NCAPD3: variants seen among roughly 807,000 people sequenced by gnomAD.
NCAPD3 encodes non-SMC condensin II complex subunit D3, also known as condensin-2 complex subunit D3.
A neutral mutation model predicts 182.9 loss-of-function variants in NCAPD3; 105 were observed. That is an observed-to-expected ratio of 0.57 (90% CI 0.49 to 0.68). The LOEUF (loss-of-function observed/expected upper bound fraction) is 0.68, where lower values mean the gene tolerates loss of function less well. Ranked by LOEUF, NCAPD3 falls within the 30% of genes least tolerant of loss-of-function variation. The pLI is 0.00. For synonymous variants in NCAPD3, 815 were observed against 679.9 expected (o/e 1.20, Z -3.09); for missense variants, 1,944 against 1,837.0 (o/e 1.06, Z -1.07).
In NCAPD3 at chr11:134,156,882, A is replaced by G. The variant is rs1469912823; in HGVS notation, c.4252+136T>C. 4.1e-6 allele frequency: 3 copies of G among 725,984 alleles called. No individual in the cohort carries two copies. In the East Asian group the frequency reaches 7.8e-5, roughly 19 times the overall value. The allele number at this position is 725,984 out of a possible 1,614,324, so 45.0% of individuals were successfully genotyped here. Reference sequence around the variant, plus strand: ...GACCGTGGTCACTGTGAAATACTCCACCTCAGCAATGCACTCATGGTTCTG... The same window carrying G: ...GACCGTGGTCACTGTGAAATACTCCGCCTCAGCAATGCACTCATGGTTCTG... On this transcript the variant is annotated intron_variant, in intron 32 of 34. Transcript: ENST00000534548.
At chr11:134,217,544 A>G (rs1018889461) in intron 2 of NCAPD3, among the ~76,000 whole-genome samples, 1 of 152,210 alleles carries the variant, frequency 6.6e-6, no homozygotes, top group Non-Finnish European at 1.5e-5. Context: ...ATTGCAGGCA[A>G]TGGGAGCAGG....
chr11:134,153,219 A>C lies in NCAPD3; in HGVS notation c.4328-19T>G, dbSNP rs117812491. Reference sequence around the variant, plus strand: ...ATTTTCTCTAAAAGGGAGTCAAACAAACACATTCAGCTTTCCCAGAACCTC... The same window carrying C: ...ATTTTCTCTAAAAGGGAGTCAAACACACACATTCAGCTTTCCCAGAACCTC... On this transcript the variant is annotated intron_variant, in intron 33 of 34. Transcript: ENST00000534548. 21,510 of 1,613,912 alleles carry C rather than the reference A, an allele frequency of 0.013. 194 individuals are homozygous for C. Among genetic ancestry groups the C allele is most frequent in the Non-Finnish European group, 0.016 (19,429 of 1,179,776 alleles).
At position 134,152,815 on chromosome 11, in the gene NCAPD3, A is replaced by C. The variant is rs1943291846; in HGVS notation, c.*129T>G. The C allele has an allele frequency of 1.4e-6, 1 of 694,514 alleles. No individual in the cohort carries two copies. The highest frequency in any genetic ancestry group is 2.5e-6 in the Non-Finnish European group (1 of 406,334). The allele number at this position is 694,514 out of a possible 1,614,324, so 43.0% of individuals were successfully genotyped here. A position where few individuals can be genotyped will look rare whatever the true frequency, so the allele number is the denominator to read the frequency against. On this transcript the variant is annotated 3_prime_UTR_variant, in exon 35 of 35. Transcript: ENST00000534548. ...GGTGAGTGCCAGGCCCCTGAGGAGG[A>C]GCTCTCGTGTTCCACAGCAAAGCGC...
chr11:134,174,378 G>C (rs1944104509), intron 24 of NCAPD3, among the ~76,000 whole-genome samples: 1 of 74,408 alleles, frequency 1.3e-5, no homozygotes. Flanking sequence ...ATGAGACCCT[G>C]TCTCAAAAAA....
intron 3 of NCAPD3, 140 bp from the exon 4 acceptor site, chr11:134,210,594 T>C (rs1937797056): frequency 2.7e-6 from 2 of 736,684 alleles, no homozygotes; most frequent in Admixed American, 2.8e-5. Context: ...AAGAGTACCA[T>C]TTGCAACGTC....
chr11:134,197,331 C>T (rs185490954), intron 13 of NCAPD3, among the ~76,000 whole-genome samples: 1 of 136,554 alleles, frequency 7.3e-6, no homozygotes, highest in Non-Finnish European at 1.5e-5. Flanking sequence ...GGATGGAGTG[C>T]AGTCGCATGA....
At chr11:134,166,969 G>A (rs1389019699) in intron 27 of NCAPD3, among the ~76,000 whole-genome samples, 3 of 129,168 alleles carry the variant, frequency 2.3e-5, no homozygotes, top group African/African-American at 9.6e-5. Flanking sequence ...TGAGCTTAGG[G>A]GAGCTGCACA....
intron 22 of NCAPD3, 101 bp downstream of exon 22, chr11:134,178,533 C>G: frequency 1.1e-6 from 1 of 889,354 alleles, no homozygotes; most frequent in East Asian, 2.5e-5. Flanking sequence ...CAGACACAGA[C>G]AGGCTCCGCA....
intron 15 of NCAPD3, 72 bp from the exon 16 acceptor site, chr11:134,192,981 AT>A: frequency 1.1e-6 from 1 of 877,506 alleles, no homozygotes; most frequent in Admixed American, 2.1e-5. Flanking sequence ...ACATTTTGAG[AT>A]GTTAAAAATA....
intron 24 of NCAPD3, among the ~76,000 whole-genome samples, chr11:134,175,454 G>A (rs1401539855): frequency 2.0e-5 from 3 of 152,192 alleles, no homozygotes; most frequent in Non-Finnish European, 4.4e-5. Flanking sequence ...GGTTTGTTAT[G>A]TGAAATGTTC....
Position 134,167,982 on chromosome 11 carries a change from A to T in NCAPD3, c.3573+14T>A. The T allele has an allele frequency of 6.2e-7, 1 of 1,612,326 alleles. No homozygotes were observed. The highest frequency in any genetic ancestry group is 8.5e-7 in the Non-Finnish European group (1 of 1,178,822). On this transcript the variant is annotated intron_variant, in intron 27 of 34. Coordinates refer to ENST00000534548, the MANE Select transcript of NCAPD3 (RefSeq NM_015261.3). ...ACTTGTGAGAAGATGATCTTAGGGGAGCAACACACTCACTTGTGAGATGAG... is the reference window on the plus strand; with the variant it reads ...ACTTGTGAGAAGATGATCTTAGGGGTGCAACACACTCACTTGTGAGATGAG...
At chr11:134,155,510 C>T (rs1943395190) in intron 32 of NCAPD3, among the ~76,000 whole-genome samples, 2 of 152,198 alleles carry the variant, frequency 1.3e-5, no homozygotes, top group African/African-American at 4.8e-5. Flanking sequence ...AACTCAATGA[C>T]ACCGGGCGCC....
At chr11:134,157,860 G>A in intron 31 of NCAPD3, 68 bp downstream of exon 31, 3 of 1,482,074 alleles carry the variant, frequency 2.0e-6, no homozygotes, top group East Asian at 2.3e-5. Context: ...AAAGGAATAA[G>A]AAGTAGCTTG....
At chr11:134,217,237 T>A (rs1938061867) in intron 2 of NCAPD3, 139 bp from the exon 3 acceptor site, 1 of 647,500 alleles carries the variant, frequency 1.5e-6, no homozygotes, top group Non-Finnish European at 2.3e-6. Flanking sequence ...ATGTTTACCA[T>A]CTTCAAAGGG....
chr11:134,170,114 G>C (rs1375123698), intron 24 of NCAPD3, among the ~76,000 whole-genome samples: 1 of 152,098 alleles, frequency 6.6e-6, no homozygotes, highest in African/African-American at 2.4e-5. Context: ...AATCAGAGAA[G>C]GTAGATGAGA....
chr11:134,176,160 T>C (rs1944158454), intron 24 of NCAPD3, 147 bp downstream of exon 24: 5 of 631,862 alleles, frequency 7.9e-6, no homozygotes, highest in Non-Finnish European at 1.1e-5. Flanking sequence ...TTGCTTAGCA[T>C]CTTAAAAATC....
intron 24 of NCAPD3, among the ~76,000 whole-genome samples, chr11:134,175,700 G>C (rs1347661421): frequency 6.6e-6 from 1 of 151,896 alleles, no homozygotes; most frequent in Non-Finnish European, 1.5e-5. Context: ...CAAACTCTAG[G>C]GTAGCAAATT....
chr11:134,165,491 T>TC (rs1943749925), intron 27 of NCAPD3, among the ~76,000 whole-genome samples: 2 of 144,764 alleles, frequency 1.4e-5, no homozygotes, highest in Admixed American at 6.9e-5. Context: ...AGTGGCACAC[T>TC]TGTGAGATGA....
chr11:134,164,353 C>T (rs632886), intron 27 of NCAPD3, among the ~76,000 whole-genome samples: 55,491 of 152,130 alleles, frequency 0.36, 10,390 homozygotes, highest in African/African-American at 0.46. Context: ...CAGAGACACC[C>T]GGAGCACGTC....
Sources: allele counts gnomAD v4.1 joint callset (sites outside exome capture counted in the v4.1 genomes callset), GRCh38; gene constraint gnomAD v4.1.1; transcripts MANE v1.5; gene names NCBI Gene and HGNC (gene_info 2026-07-23, HGNC 2026-07-21).